The following DNAAF5 variants were observed in gnomAD, a reference collection of about 807,000 sequenced individuals.
The protein encoded by DNAAF5 is HEAT repeat containing 2.
DNAAF5 carries 64 observed loss-of-function variants against 75.8 expected under a neutral mutation model. That is an observed-to-expected ratio of 0.84 (90% CI 0.69 to 1.04). The LOEUF is 1.04. Among genes scored for constraint, DNAAF5 ranks in the 50% least tolerant of loss-of-function variants. The pLI is 0.00. For synonymous variants in DNAAF5, 657 were observed against 557.2 expected (o/e 1.18, Z -2.52); for missense variants, 1,269 against 1,178.5 (o/e 1.08, Z -1.12).
intron 8 of DNAAF5, among the ~76,000 whole-genome samples, chr7:768,196 C>T (rs1230679986): frequency 8.2e-6 from 1 of 121,434 alleles, no homozygotes; most frequent in East Asian, 2.9e-4. Flanking sequence ...GTCCATGCTG[C>T]AGCAGGAGCT....
At chr7:735,120 C>T (rs1368901721) in intron 2 of DNAAF5, among the ~76,000 whole-genome samples, 4 of 146,668 alleles carry the variant, frequency 2.7e-5, no homozygotes, top group Middle Eastern at 8.0e-3. Flanking sequence ...TGTAGCTGCT[C>T]ACAGTGTCGC....
Position 740,891 on chromosome 7 carries a change from A to G in DNAAF5, c.853A>G (p.Lys285Glu), listed in dbSNP as rs777911555. 8 of 1,613,806 alleles carry G rather than the reference A, an allele frequency of 5.0e-6. No individual in the cohort carries two copies. The highest frequency in any genetic ancestry group is 6.8e-6 in the Non-Finnish European group (8 of 1,180,024). ...GCGTGACCGTTACTCCTTCTTCCACAAGCTCATCCCTCTGCTGCTCAGTAG... is the reference window on the plus strand; with the variant it reads ...GCGTGACCGTTACTCCTTCTTCCACGAGCTCATCCCTCTGCTGCTCAGTAG... ...CLRDRYSFFHKLIPLLLSSLN... is the reference protein window; with the variant it reads ...CLRDRYSFFHELIPLLLSSLN... The change falls in exon 3 of 13, where the codon AAG becomes GAG. Residue 285 changes from lysine (K) to glutamate (E), a missense_variant. Transcript: ENST00000297440.
intron 12 of DNAAF5, among the ~76,000 whole-genome samples, chr7:781,586 C>T (rs1024391692): frequency 4.2e-5 from 6 of 142,986 alleles, no homozygotes; most frequent in African/African-American, 1.5e-4. Flanking sequence ...TTGGAGGGAC[C>T]TCCAGACTGT....
chr7:737,138 C>T (rs761150174), intron 2 of DNAAF5, among the ~76,000 whole-genome samples: 1 of 151,970 alleles, frequency 6.6e-6, no homozygotes, highest in South Asian at 2.1e-4. Flanking sequence ...CTCTGTCACC[C>T]AGGCTGGAGT....
chr7:763,576 G>T (rs757247657), intron 7 of DNAAF5, among the ~76,000 whole-genome samples: 1 of 152,210 alleles, frequency 6.6e-6, no homozygotes, highest in Non-Finnish European at 1.5e-5. Flanking sequence ...TTCATGATTC[G>T]CTGCAGAGAC....
At chr7:776,360 C>T (rs1299570038) in intron 11 of DNAAF5, among the ~76,000 whole-genome samples, 2 of 152,140 alleles carry the variant, frequency 1.3e-5, no homozygotes, top group East Asian at 3.8e-4. Context: ...ATAGAAAATG[C>T]TCATCTTTGA....
At chr7:785,176 A>G (rs1583531586) in intron 12 of DNAAF5, among the ~76,000 whole-genome samples, 1 of 152,024 alleles carries the variant, frequency 6.6e-6, no homozygotes, top group Admixed American at 6.5e-5. Context: ...ATCGCTGGAC[A>G]CCCATCCAGC....
Position 741,432 on chromosome 7 carries a change from G to GGGC in DNAAF5, c.991_992insGGC (p.Ala331delinsGlyPro). 1 of 1,564,728 alleles carries GGGC rather than the reference G, an allele frequency of 6.4e-7. No homozygotes were observed. Among genetic ancestry groups the GGGC allele is most frequent in the Non-Finnish European group, 8.7e-7 (1 of 1,153,596 alleles). ...GGACCTGAAGGACAAGCTGGACTTT[G>GGGC]CCCCTCCCACCCCACCCCATTACCC... On this transcript the variant is annotated protein_altering_variant, in exon 4 of 13. Coordinates refer to ENST00000297440, the MANE Select transcript of DNAAF5 (RefSeq NM_017802.4).
chr7:764,220 A>G lies in DNAAF5; in HGVS notation c.1783+246A>G, dbSNP rs551533407. On this transcript the variant is annotated intron_variant, in intron 8 of 12. Transcript: ENST00000297440. ...GCACACGCTTTCATGTGAAACCTTC[A>G]AAGTGTGCTTTTCCGTGGCCTGTTT... Among the ~76,000 whole-genome samples the G allele has an allele frequency of 3.3e-5, 5 of 152,354 alleles. No homozygotes were observed. The East Asian group carries it at 9.6e-4, about 29-fold the overall frequency.
chr7:731,406 A>C (rs1488319150), intron 2 of DNAAF5, among the ~76,000 whole-genome samples: 2 of 152,230 alleles, frequency 1.3e-5, no homozygotes, highest in Admixed American at 6.5e-5. Context: ...GCTAGCTGTA[A>C]ACGGTGTAAC....
chr7:739,456 G>T (rs1037522726), intron 2 of DNAAF5, among the ~76,000 whole-genome samples: 3 of 152,230 alleles, frequency 2.0e-5, no homozygotes, highest in African/African-American at 7.2e-5. Flanking sequence ...AATGGCCGTG[G>T]AGCTGATTTG....
chr7:757,033 G>T (rs777741867), intron 6 of DNAAF5, 39 bp downstream of exon 6: 1 of 1,551,228 alleles, frequency 6.4e-7, no homozygotes, highest in Non-Finnish European at 8.7e-7. Context: ...GAGAGGAGGA[G>T]CCTCCCCTGC....
intron 7 of DNAAF5, among the ~76,000 whole-genome samples, chr7:763,589 C>T (rs780939941): frequency 4.6e-5 from 7 of 152,232 alleles, no homozygotes; most frequent in East Asian, 1.9e-4. Context: ...GCAGAGACGG[C>T]GTTGGTGTGA....
At chr7:746,016 G>T (rs1001440866) in intron 4 of DNAAF5, among the ~76,000 whole-genome samples, 1 of 152,200 alleles carries the variant, frequency 6.6e-6, no homozygotes, top group South Asian at 2.1e-4. Flanking sequence ...TCAGTCAGTC[G>T]CATAAGCACT....
chr7:752,062 G>A (rs1583492868), intron 4 of DNAAF5, among the ~76,000 whole-genome samples: 1 of 152,208 alleles, frequency 6.6e-6, no homozygotes, highest in African/African-American at 2.4e-5. Context: ...ATGGGGCCAC[G>A]TGGTGTTGGC....
chr7:737,076 AT>A (rs1407379509), intron 2 of DNAAF5, among the ~76,000 whole-genome samples: 6 of 151,450 alleles, frequency 4.0e-5, no homozygotes, highest in African/African-American at 1.5e-4. Flanking sequence ...AGTTATTTTT[AT>A]TTTTATTTAT....
intron 12 of DNAAF5, among the ~76,000 whole-genome samples, chr7:780,826 C>CTTTTT (rs201445917): frequency 2.7e-4 from 36 of 131,194 alleles, no homozygotes; most frequent in African/African-American, 6.8e-4. Context: ...TTTTTTTTTT[C>CTTTTT]TTTTTTTTTT....
rs987496902 is a variant in DNAAF5, at chr7:726,769, G to A, written c.49G>A (p.Glu17Lys). 1.0e-4 allele frequency: 129 copies of A among 1,262,240 alleles called. No individual in the cohort carries two copies. Among genetic ancestry groups the A allele is most frequent in the Non-Finnish European group, 1.2e-4 (117 of 1,005,780 alleles). 78.2% of individuals were successfully genotyped at this position (1,262,240 alleles called of 1,614,324 possible). A position where few individuals can be genotyped will look rare whatever the true frequency, so the allele number is the denominator to read the frequency against. Residue 17 changes from glutamate to lysine, a missense_variant, in exon 1 of 13, where the codon GAG becomes AAG. Glu to Lys is a moderately conservative substitution (Grantham distance 56). Coordinates refer to ENST00000297440, the MANE Select transcript of DNAAF5 (RefSeq NM_017802.4). ...GGCCGTGGCGGCCCCACACCCGGCT[G>A]AGGGGGCCGAGACGGCTGAGGCGGT... ...AEAVAAPHPAEGAETAEAVEL... is the reference protein window; with the variant it reads ...AEAVAAPHPAKGAETAEAVEL...
intron 6 of DNAAF5, among the ~76,000 whole-genome samples, chr7:759,640 T>C (rs1782584705): frequency 6.6e-6 from 1 of 152,210 alleles, no homozygotes; most frequent in African/African-American, 2.4e-5. Context: ...TCTGTGTGTG[T>C]GCGTTGTATG....
Sources: allele counts gnomAD v4.1 joint callset (sites outside exome capture counted in the v4.1 genomes callset), GRCh38; gene constraint gnomAD v4.1.1; transcripts MANE v1.5; gene names NCBI Gene and HGNC (gene_info 2026-07-23, HGNC 2026-07-21).